The following CLEC2D variants were observed in gnomAD, a reference collection of about 807,000 sequenced individuals.
CLEC2D encodes C-type lectin related f.
In CLEC2D, 16 loss-of-function variants were observed where a neutral mutation model predicts 20.0. That is an observed-to-expected ratio of 0.80 (90% CI 0.54 to 1.22). The LOEUF (loss-of-function observed/expected upper bound fraction) is 1.22. CLEC2D is among the 50% of genes most tolerant of loss of function. CLEC2D has a pLI of 0.00. For missense variants in CLEC2D, 207 were observed against 221.5 expected, an observed-to-expected ratio of 0.93 and a Z score of 0.42; for synonymous variants, 77 against 71.1, an observed-to-expected ratio of 1.08 and a Z score of -0.42.
At chr12:9,693,694 A>G (rs1281760716) in intron 4 of CLEC2D, 2 of 337,958 alleles carry the variant, frequency 5.9e-6, no homozygotes, top group South Asian at 2.3e-5. Flanking sequence ...TTGTATCTAC[A>G]CTGCCTTGCA....
intron 2 of CLEC2D, among the ~76,000 whole-genome samples, chr12:9,681,463 T>C (rs899059224): frequency 6.6e-6 from 1 of 152,204 alleles, no homozygotes; most frequent in Non-Finnish European, 1.5e-5. Flanking sequence ...TCTTTCTTCC[T>C]AGCTATTTGA....
At chr12:9,690,395 T>G (rs1303331732) in intron 3 of CLEC2D, among the ~76,000 whole-genome samples, 2 of 152,072 alleles carry the variant, frequency 1.3e-5, no homozygotes, top group African/African-American at 4.8e-5. Context: ...GAAAGTACAC[T>G]AGACAGCAAT....
chr12:9,675,224 C>G (rs994576495), intron 1 of CLEC2D, among the ~76,000 whole-genome samples: 1 of 142,218 alleles, frequency 7.0e-6, no homozygotes, highest in Admixed American at 7.3e-5. Context: ...GACGGAGTCT[C>G]ACTCTCTTGC....
rs923621749 is a variant in CLEC2D at position 9,696,489 on chromosome 12, T to C, written c.*1615T>C. On this transcript the variant is annotated 3_prime_UTR_variant, in exon 5 of 5. Coordinates refer to ENST00000290855, the MANE Select transcript of CLEC2D (RefSeq NM_013269.6). ...ACATAGTAGTAGCAGTGGTCAGACA[T>C]GGAAATGGTGGGGAGACAAAAGTAT... 1 of 278,218 alleles carries C rather than the reference T, an allele frequency of 3.6e-6. No individual in the cohort carries two copies. The highest frequency in any genetic ancestry group is 6.8e-6 in the Non-Finnish European group (1 of 146,492). The allele number at this position is 278,218 out of a possible 1,614,324, so 17.2% of individuals were successfully genotyped here. A position where few individuals can be genotyped will look rare whatever the true frequency, so the allele number is the denominator to read the frequency against.
rs960035230 is a variant in CLEC2D, at chr12:9,692,873, C to T, written c.403C>T (p.Leu135=). Reference sequence around the variant, plus strand: ...AGGCCCATCTGATCACTGGATTGGGCTGAGCAGAGAACAAGGCCAACCATG... The same window carrying T: ...AGGCCCATCTGATCACTGGATTGGGTTGAGCAGAGAACAAGGCCAACCATG... ...YKGPSDHWIG[L]SREQGQPWKW... Residue 135 remains leucine, a synonymous_variant, in exon 4 of 5, where the codon CTG becomes TTG. Transcript: ENST00000290855. 1 of 1,613,448 alleles carries T rather than the reference C, an allele frequency of 6.2e-7. No individual in the cohort carries two copies. Among genetic ancestry groups the T allele is most frequent in the African/African-American group, 1.3e-5 (1 of 74,880 alleles).
intron 2 of CLEC2D, among the ~76,000 whole-genome samples, chr12:9,682,247 A>G (rs1395557418): frequency 6.6e-6 from 1 of 152,078 alleles, no homozygotes; most frequent in Non-Finnish European, 1.5e-5. Context: ...TGTTTTATTT[A>G]ACATTTAGAT....
chr12:9,681,837 T>G (rs1211576286), intron 2 of CLEC2D, among the ~76,000 whole-genome samples: 1 of 152,188 alleles, frequency 6.6e-6, no homozygotes, highest in African/African-American at 2.4e-5. Context: ...CTTATTATCT[T>G]TTGGCATTTT....
chr12:9,692,382 C>T (rs1304147002), intron 3 of CLEC2D, among the ~76,000 whole-genome samples: 5 of 152,040 alleles, frequency 3.3e-5, no homozygotes, highest in African/African-American at 4.8e-5. Context: ...TCAGGTGATC[C>T]GCCTGCCTCG....
At chr12:9,687,213 TC>T (rs1865767879) in intron 2 of CLEC2D, among the ~76,000 whole-genome samples, 1 of 152,218 alleles carries the variant, frequency 6.6e-6, no homozygotes, top group Admixed American at 6.5e-5. Context: ...AGCTAGTTTT[TC>T]TGAAAGTAGA....
chr12:9,682,152 A>G (rs926271876), intron 2 of CLEC2D, among the ~76,000 whole-genome samples: 2 of 152,144 alleles, frequency 1.3e-5, no homozygotes, highest in Admixed American at 6.5e-5. Context: ...TGTGGAGCCA[A>G]TAGCTGGAGC....
chr12:9,696,259 A>G lies in CLEC2D; in HGVS notation c.*1385A>G, dbSNP rs765954452. On this transcript the variant is annotated 3_prime_UTR_variant, in exon 5 of 5. Coordinates refer to ENST00000290855, the MANE Select transcript of CLEC2D (RefSeq NM_013269.6). ...AAATAGTTTAAACAATTTGTTAAAA[A>G]TTTTCCATCTTATTTCATTTCTGTA... 4 of 774,614 alleles carry G rather than the reference A, an allele frequency of 5.2e-6. No homozygotes were observed. In the Admixed American group the frequency reaches 5.3e-5, roughly 10 times the overall value. 48.0% of individuals were successfully genotyped at this position (774,614 alleles called of 1,614,324 possible).
Position 9,683,003 on chromosome 12 carries a change from C to T in CLEC2D, c.172+1970C>T, listed in dbSNP as rs770277515. On this transcript the variant is annotated intron_variant, in intron 2 of 4. Coordinates refer to ENST00000290855, the MANE Select transcript of CLEC2D (RefSeq NM_013269.6). Reference sequence around the variant, plus strand: ...TCCTATTTCTCTACATCCTCTTCAGCGTCTGTTGTTTCCTGACTTTTTAAT... The same window carrying T: ...TCCTATTTCTCTACATCCTCTTCAGTGTCTGTTGTTTCCTGACTTTTTAAT... Among the ~76,000 whole-genome samples, 17 of 152,322 alleles carry T rather than the reference C, an allele frequency of 1.1e-4. No individual in the cohort carries two copies. The South Asian group carries it at 2.9e-3, about 26-fold the overall frequency.
At chr12:9,694,177 C>A (rs754383747) in intron 4 of CLEC2D, among the ~76,000 whole-genome samples, 3 of 151,894 alleles carry the variant, frequency 2.0e-5, no homozygotes, top group African/African-American at 7.3e-5. Context: ...CTGCTCATCA[C>A]TTAAAGAAAT....
intron 3 of CLEC2D, among the ~76,000 whole-genome samples, chr12:9,690,796 A>C (rs750465644): frequency 6.6e-6 from 1 of 152,140 alleles, no homozygotes; most frequent in African/African-American, 2.4e-5. Context: ...ACACTATAAA[A>C]AACCAATTAA....
chr12:9,695,259 A>G lies in CLEC2D; in HGVS notation c.*385A>G. The G allele has an allele frequency of 4.6e-6, 3 of 658,548 alleles. No individual in the cohort carries two copies. The highest frequency in any genetic ancestry group is 8.2e-6 in the Non-Finnish European group (3 of 365,478). 40.8% of individuals were successfully genotyped at this position (658,548 alleles called of 1,614,324 possible). On this transcript the variant is annotated 3_prime_UTR_variant, in exon 5 of 5. Coordinates refer to ENST00000290855, the MANE Select transcript of CLEC2D (RefSeq NM_013269.6). ...GAACTCCTATTTATACAACCATCAG[A>G]TATCTTGAGACAAGAACAGTATGGG... is the stretch of plus-strand genomic sequence containing the variant.
At chr12:9,675,734 T>C (rs932946584) in intron 1 of CLEC2D, among the ~76,000 whole-genome samples, 2 of 152,230 alleles carry the variant, frequency 1.3e-5, no homozygotes, top group South Asian at 2.1e-4. Flanking sequence ...CTGGGAAGAA[T>C]TGATATCTTG....
intron 1 of CLEC2D, among the ~76,000 whole-genome samples, chr12:9,670,212 G>T (rs1865385097): frequency 6.6e-6 from 1 of 152,028 alleles, no homozygotes; most frequent in African/African-American, 2.4e-5. Context: ...AATCAAAAAA[G>T]TAACAAAGGT....
At position 9,697,047 on chromosome 12, in the gene CLEC2D, A is replaced by C. The variant is rs1412952675; in HGVS notation, c.*2173A>C. 2 of 149,748 alleles carry C rather than the reference A, an allele frequency of 1.3e-5. No homozygotes were observed. Among genetic ancestry groups the C allele is most frequent in the Non-Finnish European group, 3.0e-5 (2 of 67,328 alleles). The allele number at this position is 149,748 out of a possible 1,614,324, so 9.3% of individuals were successfully genotyped here. On this transcript the variant is annotated 3_prime_UTR_variant, in exon 5 of 5. Transcript: ENST00000290855. ...TATATACATACATACATATATATAT[A>C]TATATAAAAAATAGAATATTATTCA... is the stretch of plus-strand genomic sequence containing the variant.
At chr12:9,672,678 CCTGT>C (rs1204927157) in intron 1 of CLEC2D, among the ~76,000 whole-genome samples, 2 of 152,128 alleles carry the variant, frequency 1.3e-5, no homozygotes, top group Admixed American at 1.3e-4. Flanking sequence ...TTCCATCCTC[CCTGT>C]CTCTTTCAGG....
Sources: allele counts gnomAD v4.1 joint callset (sites outside exome capture counted in the v4.1 genomes callset), GRCh38; gene constraint gnomAD v4.1.1; transcripts MANE v1.5; gene names NCBI Gene and HGNC (gene_info 2026-07-23, HGNC 2026-07-21).